The following ADAM17 variants were observed in gnomAD, a reference collection of about 807,000 sequenced individuals.
ADAM17 encodes ADAM metallopeptidase domain 17.
Under a neutral mutation model 96.7 loss-of-function variants are expected in ADAM17, and 39 were observed. The ratio of observed to expected loss-of-function variants is 0.40; its 90% CI spans 0.31 to 0.53. The LOEUF (loss-of-function observed/expected upper bound fraction) is 0.53, where lower values mean the gene tolerates loss of function less well. Among genes scored for constraint, ADAM17 ranks in the 20% least tolerant of loss-of-function variants. The pLI, the probability that ADAM17 is intolerant of heterozygous loss-of-function variation, is 0.44. For missense variants in ADAM17, 777 were observed against 1,013.2 expected, an observed-to-expected ratio of 0.77 and a Z score of 3.17; for synonymous variants, 344 against 359.2, an observed-to-expected ratio of 0.96 and a Z score of 0.48.
At chr2:9,547,418 T>C (rs936363452) in intron 1 of ADAM17, among the ~76,000 whole-genome samples, 3 of 152,096 alleles carry the variant, frequency 2.0e-5, no homozygotes, top group Admixed American at 6.6e-5. Context: ...CACAGAAAGT[T>C]ATGCACAGAC....
At chr2:9,548,719 A>C (rs754414175) in intron 1 of ADAM17, among the ~76,000 whole-genome samples, 52 of 152,230 alleles carry the variant, frequency 3.4e-4, no homozygotes, top group Non-Finnish European at 6.0e-4. Flanking sequence ...CTGATGAGCC[A>C]CATAGTGATT....
rs1662671110 is a variant in ADAM17, at chr2:9,497,144, C to T, written c.1753G>A (p.Glu585Lys). The change falls in exon 14 of 19, where the codon GAA (glutamate) becomes AAA (lysine). Residue 585 changes from glutamate (E) to lysine (K), a missense_variant. Around this residue, in one of 3 missense-constraint regions of ADAM17, gnomAD observed 446 missense variants for 664.7 expected, o/e 0.67. Transcript: ENST00000310823. ...CATGCACAGGACTCCAGCTGCTGTT[C>T]CCTCTCGCAGAAAGGGATGCATTTC... is the stretch of plus-strand genomic sequence containing the variant. The part of the protein sequence containing the change: ...DGKCIPFCER[E>K]QQLESCACNE... 1 of 1,614,176 alleles carries T rather than the reference C, an allele frequency of 6.2e-7. No individual in the cohort carries two copies. The highest frequency in any genetic ancestry group is 8.5e-7 in the Non-Finnish European group (1 of 1,180,028).
chr2:9,555,467 C>A (rs1166573596), intron 1 of ADAM17, 42 bp downstream of exon 1: 2 of 1,496,838 alleles, frequency 1.3e-6, no homozygotes, highest in Non-Finnish European at 1.8e-6. Flanking sequence ...CTCAAACGAG[C>A]GCTCCAGGCG....
chr2:9,514,545 ATATATATAT>A (rs1663944823), intron 10 of ADAM17, among the ~76,000 whole-genome samples: 1 of 94,372 alleles, frequency 1.1e-5, no homozygotes, highest in African/African-American at 3.3e-5. Flanking sequence ...ATATATATAT[ATATATATAT>A]ATATATATAT....
intron 17 of ADAM17, 54 bp from the exon 18 acceptor site, chr2:9,491,205 G>A (rs907060873): frequency 6.6e-7 from 1 of 1,525,136 alleles, no homozygotes; most frequent in African/African-American, 1.4e-5. Flanking sequence ...CAGTTAGTGA[G>A]TACTATTTCA....
chr2:9,492,280 C>T (rs933294168), intron 17 of ADAM17, among the ~76,000 whole-genome samples: 9 of 152,122 alleles, frequency 5.9e-5, no homozygotes, highest in Non-Finnish European at 1.2e-4. Context: ...TGAATGGATT[C>T]GTAAGAACAT....
chr2:9,528,138 T>C (rs1277959104), intron 4 of ADAM17, among the ~76,000 whole-genome samples, 184 bp from the exon 5 acceptor site: 5 of 151,402 alleles, frequency 3.3e-5, no homozygotes, highest in Middle Eastern at 3.4e-3. Context: ...TGCAGGAAAG[T>C]AAATACATAG....
At chr2:9,531,714 A>T (rs1405330838) in intron 4 of ADAM17, among the ~76,000 whole-genome samples, 1 of 152,142 alleles carries the variant, frequency 6.6e-6, no homozygotes, top group Non-Finnish European at 1.5e-5. Context: ...ATAAATAAAT[A>T]AAAGTTGGGG....
intron 6 of ADAM17, among the ~76,000 whole-genome samples, chr2:9,523,612 C>A (rs1664400094): frequency 6.6e-6 from 1 of 152,150 alleles, no homozygotes; most frequent in African/African-American, 2.4e-5. Context: ...TGACAAGTAA[C>A]AGGCTTTTTT....
chr2:9,548,692 C>G (rs16867059), intron 1 of ADAM17, among the ~76,000 whole-genome samples: 2,581 of 152,284 alleles, frequency 0.017, 69 homozygotes, highest in African/African-American at 0.059. Flanking sequence ...ATTAAGTCAT[C>G]ATGTCTAGTT....
chr2:9,532,115 A>C (rs1366441558), intron 4 of ADAM17, among the ~76,000 whole-genome samples: 1 of 152,226 alleles, frequency 6.6e-6, no homozygotes, highest in Non-Finnish European at 1.5e-5. Context: ...TCATAAACAA[A>C]ATATTTAATG....
chr2:9,516,191 T>C (rs1664046849), intron 10 of ADAM17, among the ~76,000 whole-genome samples: 1 of 152,326 alleles, frequency 6.6e-6, no homozygotes, highest in African/African-American at 2.4e-5. Flanking sequence ...TAAATTAGGT[T>C]GTTCATTTTC....
At chr2:9,550,903 C>CAAAAAAAAAAAAAAA (rs33972062) in intron 1 of ADAM17, among the ~76,000 whole-genome samples, 1 of 97,868 alleles carries the variant, frequency 1.0e-5, no homozygotes, top group African/African-American at 3.8e-5. Context: ...ACTAAAAATA[C>CAAAAAAAAAAAAAAA]AAAAAAAAAA....
At chr2:9,502,679 G>A (rs1442709955) in intron 12 of ADAM17, among the ~76,000 whole-genome samples, 1 of 151,994 alleles carries the variant, frequency 6.6e-6, no homozygotes, top group East Asian at 1.9e-4. Flanking sequence ...GAGAGTTCGA[G>A]ATGAGCCTGG....
chr2:9,521,475 G>C (rs1558513763), intron 7 of ADAM17, 159 bp from the exon 8 acceptor site: 1 of 403,184 alleles, frequency 2.5e-6, no homozygotes, highest in Non-Finnish European at 4.5e-6. Context: ...TTCAATGTTT[G>C]AAACAAACAG....
intron 1 of ADAM17, among the ~76,000 whole-genome samples, chr2:9,547,046 CT>C (rs1215136689): frequency 1.3e-5 from 2 of 152,238 alleles, no homozygotes; most frequent in Non-Finnish European, 2.9e-5. Context: ...CTGCCTACTT[CT>C]CTCTAGAATG....
At position 9,497,121 on chromosome 2, in the gene ADAM17, T is replaced by C; in HGVS notation, c.1776A>G (p.Ala592=). The change falls in exon 14 of 19, where the codon GCA becomes GCG. Residue 592 remains alanine, a synonymous_variant. Coordinates refer to ENST00000310823, the MANE Select transcript of ADAM17 (RefSeq NM_003183.6). The part of the protein sequence containing the change: ...CEREQQLESC[A]CNETDNSCKV... Reference sequence around the variant, plus strand: ...GGGAATAAAACTGCTCACCATTACATGCACAGGACTCCAGCTGCTGTTCCC... The same window carrying C: ...GGGAATAAAACTGCTCACCATTACACGCACAGGACTCCAGCTGCTGTTCCC... 2 of 1,613,966 alleles carry C rather than the reference T, an allele frequency of 1.2e-6. No individual in the cohort carries two copies. The highest frequency in any genetic ancestry group is 1.7e-6 in the Non-Finnish European group (2 of 1,179,912).
At position 9,526,198 on chromosome 2, in the gene ADAM17, C is replaced by A. The variant is rs780293025; in HGVS notation, c.666G>T (p.Lys222Asn). Reference sequence around the variant, plus strand: ...CTACCACCAATAATTTACACGTGTTCTTCATGGGATCTGGGTCAGCTCTTC... The same window carrying A: ...CTACCACCAATAATTTACACGTGTTATTCATGGGATCTGGGTCAGCTCTTC... ...VKRRADPDPM[K>N]NTCKLLVVAD... Residue 222 changes from lysine (K) to asparagine (N), a missense_variant, in exon 6 of 19, where the codon AAG (lysine) becomes AAT (asparagine). This residue lies in a region of ADAM17 where 446 missense variants were observed against 664.7 expected (regional missense o/e 0.67). Transcript: ENST00000310823. 3.7e-6 allele frequency: 6 copies of A among 1,613,666 alleles called. No individual in the cohort carries two copies. In the African/African-American group the frequency reaches 6.7e-5, roughly 18 times the overall value.
In ADAM17 at chr2:9,538,097, C is replaced by T. The variant is rs1458434313; in HGVS notation, c.231-1269G>A. Among the ~76,000 whole-genome samples the T allele has an allele frequency of 2.0e-5, 3 of 151,974 alleles. No individual in the cohort carries two copies. In the East Asian group the frequency reaches 5.8e-4, roughly 29 times the overall value. ...AGTTTCAGTCCAGTTCTTTAATTGG[C>T]TTACTATTCTTTTTGTTTTCTATGA... On this transcript the variant is annotated intron_variant, in intron 2 of 18. Transcript: ENST00000310823.
Sources: gnomAD v4.1 joint callset for allele counts (sites outside exome capture counted in the v4.1 genomes callset) on GRCh38, gnomAD v4.1.1 for gene constraint, gnomAD v4.1.1 regional missense constraint, MANE v1.5 for transcripts, NCBI Gene and HGNC (gene_info 2026-07-23, HGNC 2026-07-21) for gene names.